LRP1B: variants seen among roughly 807,000 people sequenced by gnomAD.
LRP1B encodes the protein low-density lipoprotein receptor-related protein 1B.
Under a neutral mutation model 556.6 loss-of-function variants are expected in LRP1B, and 217 were observed. That is an observed-to-expected ratio of 0.39 (90% confidence interval 0.35 to 0.44). The LOEUF is 0.44. LRP1B is among the 20% of genes least tolerant of loss of function. The pLI is 1.00. For missense variants in LRP1B, 5,053 were observed against 5,620.8 expected, an observed-to-expected ratio of 0.90 and a Z score of 3.23; for synonymous variants, 2,047 against 1,865.8, an observed-to-expected ratio of 1.10 and a Z score of -2.50.
At chr2:140,345,819 CATATATACAT>C (rs1255724259) in intron 77 of LRP1B, among the ~76,000 whole-genome samples, 4 of 131,520 alleles carry the variant, frequency 3.0e-5, no homozygotes, top group Middle Eastern at 4.1e-3. Context: ...CATATATATA[CATATATACAT>C]ATATATATAC....
intron 35 of LRP1B, among the ~76,000 whole-genome samples, chr2:140,717,127 C>T (rs569118056): frequency 2.6e-5 from 4 of 151,966 alleles, no homozygotes; most frequent in African/African-American, 4.8e-5. Flanking sequence ...CCTTATCCTG[C>T]ATGAATTTGC....
chr2:141,442,790 T>C (rs987578583), intron 3 of LRP1B, among the ~76,000 whole-genome samples: 2 of 152,230 alleles, frequency 1.3e-5, no homozygotes, highest in Admixed American at 6.5e-5. Context: ...TCGTATTCCA[T>C]GGTGTATATG....
chr2:141,918,896 A>G (rs1558961160), intron 1 of LRP1B, among the ~76,000 whole-genome samples: 1 of 151,998 alleles, frequency 6.6e-6, no homozygotes. Context: ...ATAATGATCA[A>G]CTCTAATGAG....
At chr2:141,680,940 T>C (rs1169133735) in intron 2 of LRP1B, among the ~76,000 whole-genome samples, 1 of 152,130 alleles carries the variant, frequency 6.6e-6, no homozygotes, top group Non-Finnish European at 1.5e-5. Flanking sequence ...AAGAAAATGG[T>C]GCGTTGCATT....
At chr2:140,336,619 C>G (rs1681116157) in intron 77 of LRP1B, among the ~76,000 whole-genome samples, 1 of 151,824 alleles carries the variant, frequency 6.6e-6, no homozygotes, top group Admixed American at 6.6e-5. Context: ...ATTAGTATGG[C>G]TAGACACATT....
intron 2 of LRP1B, among the ~76,000 whole-genome samples, chr2:141,778,019 A>G (rs1299925477): frequency 6.6e-6 from 1 of 152,212 alleles, no homozygotes; most frequent in Non-Finnish European, 1.5e-5. Flanking sequence ...ACATGCAATG[A>G]TAAGTAAGCT....
At chr2:140,389,719 ATAGTTAT>A (rs1004804261) in intron 66 of LRP1B, among the ~76,000 whole-genome samples, 4 of 147,786 alleles carry the variant, frequency 2.7e-5, no homozygotes, top group African/African-American at 9.8e-5. Flanking sequence ...TTATATATAT[ATAGTTAT>A]ATATATGTAT....
chr2:140,907,904 C>G lies in LRP1B; in HGVS notation c.3493G>C (p.Asp1165His), dbSNP rs367867946. 1.2e-6 allele frequency: 2 copies of G among 1,613,338 alleles called. No homozygotes were observed. The highest frequency in any genetic ancestry group is 2.7e-5 in the African/African-American group (2 of 74,862). ...CAGAGATAGCCTTCATCAGAGCCAT[C>G]AGGACAATCCTTTTTCCCATTGCAG... ...KLCNGKKDCP[D>H]GSDEGYLCDE... Residue 1165 changes from aspartate (D) to histidine (H), a missense_variant, in exon 22 of 91, where the codon GAT becomes CAT. Transcript: ENST00000389484.
intron 16 of LRP1B, 136 bp from the exon 17 acceptor site, chr2:140,989,793 T>A (rs1697035834): frequency 1.1e-5 from 8 of 712,102 alleles, no homozygotes; most frequent in Non-Finnish European, 1.8e-5. Context: ...ATTCATTGCC[T>A]TATATTTAAT....
intron 7 of LRP1B, among the ~76,000 whole-genome samples, chr2:141,135,808 C>T (rs1701477739): frequency 6.6e-6 from 1 of 151,836 alleles, no homozygotes. Flanking sequence ...ATCATTTTCC[C>T]AGAATACTTC....
At chr2:140,605,835 C>T (rs905037347) in intron 41 of LRP1B, among the ~76,000 whole-genome samples, 1 of 152,008 alleles carries the variant, frequency 6.6e-6, no homozygotes, top group Non-Finnish European at 1.5e-5. Context: ...ATTCAACAAA[C>T]TAGCAATAGA....
At chr2:140,385,494 G>A (rs1302815407) in intron 67 of LRP1B, among the ~76,000 whole-genome samples, 1 of 152,050 alleles carries the variant, frequency 6.6e-6, no homozygotes, top group Non-Finnish European at 1.5e-5. Context: ...TATGCTCATG[G>A]GCGAATTTAT....
intron 2 of LRP1B, among the ~76,000 whole-genome samples, chr2:141,658,045 T>A (rs2118275): frequency 5.9e-5 from 9 of 152,174 alleles, no homozygotes; most frequent in African/African-American, 1.4e-4. Context: ...ATTTATTTCC[T>A]CTGGTGTGAT....
chr2:140,666,769 G>C (rs1369292604), intron 41 of LRP1B, among the ~76,000 whole-genome samples: 1 of 152,134 alleles, frequency 6.6e-6, no homozygotes, highest in Non-Finnish European at 1.5e-5. Flanking sequence ...CCATCTACAA[G>C]TTACCTGATA....
At chr2:140,498,963 C>T (rs1689065717) in intron 55 of LRP1B, among the ~76,000 whole-genome samples, 1 of 151,792 alleles carries the variant, frequency 6.6e-6, no homozygotes, top group Admixed American at 6.6e-5. Flanking sequence ...TACATGTTTA[C>T]ATACTTAAAA....
intron 7 of LRP1B, among the ~76,000 whole-genome samples, chr2:141,073,439 C>T (rs577657253): frequency 1.3e-5 from 2 of 152,114 alleles, no homozygotes; most frequent in East Asian, 1.9e-4. Context: ...CTTCTCTCTA[C>T]ATCAGGTCCA....
intron 1 of LRP1B, among the ~76,000 whole-genome samples, chr2:142,001,535 G>A (rs531826391): frequency 1.2e-4 from 18 of 152,176 alleles, no homozygotes; most frequent in Middle Eastern, 3.4e-3. Context: ...ACTTGAAAAC[G>A]CAAAGAAAGG....
At chr2:141,478,519 T>A (rs574487568) in intron 3 of LRP1B, among the ~76,000 whole-genome samples, 32 of 122,028 alleles carry the variant, frequency 2.6e-4, no homozygotes, top group Middle Eastern at 3.9e-3. Context: ...CCTCCCTCCC[T>A]TCCTCCCTCC....
At chr2:141,288,855 C>T (rs969522579) in intron 3 of LRP1B, among the ~76,000 whole-genome samples, 1 of 152,118 alleles carries the variant, frequency 6.6e-6, no homozygotes, top group African/African-American at 2.4e-5. Flanking sequence ...CCACAGCTGA[C>T]CTAGAGAATA....
Sources: allele counts gnomAD v4.1 joint callset (sites outside exome capture counted in the v4.1 genomes callset), GRCh38; gene constraint gnomAD v4.1.1; transcripts MANE v1.5; gene names NCBI Gene and HGNC (gene_info 2026-07-23, HGNC 2026-07-21).